Variants in NEMP2 observed in about 807,000 individuals in gnomAD.
NEMP2 encodes nuclear envelope integral membrane protein 2.
Under a neutral mutation model 54.2 loss-of-function variants are expected in NEMP2, and 53 were observed. The ratio of observed to expected loss-of-function variants is 0.98; its 90% confidence interval spans 0.78 to 1.23. The LOEUF is 1.23. NEMP2 is among the 50% of genes most tolerant of loss of function. The probability of loss-of-function intolerance (pLI) is 0.00; values close to 1 mark genes in which losing one functional copy is unlikely to be tolerated. For synonymous variants in NEMP2, 197 were observed against 190.3 expected (o/e 1.04, Z -0.29); for missense variants, 455 against 511.3 (o/e 0.89, Z 1.06).
chr2:190,472,447 C>G, the NEMP2 span, among the ~76,000 whole-genome samples: 3 of 152,032 alleles, frequency 2.0e-5, no homozygotes, highest in East Asian at 3.9e-4. Context: ...AATGCACAAG[C>G]CTTAGTAGCT....
chr2:190,558,830 T>C, the NEMP2 span, among the ~76,000 whole-genome samples: 1 of 152,224 alleles, frequency 6.6e-6, no homozygotes, highest in South Asian at 2.1e-4. This position sits in a 1 kb window ranked among gnomAD's most constrained non-coding sequence, Gnocchi z 4.4. Context: ...TTGATCACCA[T>C]CACCTATTAA....
chr2:190,579,347 A>T, the NEMP2 span, among the ~76,000 whole-genome samples: 1 of 151,308 alleles, frequency 6.6e-6, no homozygotes, highest in Non-Finnish European at 1.5e-5. Context: ...ATTGTTCAAA[A>T]CTAGGAGAGG....
chr2:190,589,785 A>G, the NEMP2 span, among the ~76,000 whole-genome samples: 2 of 152,046 alleles, frequency 1.3e-5, no homozygotes, highest in Non-Finnish European at 1.5e-5. The surrounding 1 kb of genome is among the most constrained non-coding windows in gnomAD (Gnocchi z 4.3). Flanking sequence ...ACCCTGTTAT[A>G]TTTTTTACTG....
chr2:190,597,418 T>TA, the NEMP2 span, among the ~76,000 whole-genome samples: 5 of 152,156 alleles, frequency 3.3e-5, no homozygotes, highest in African/African-American at 4.8e-5. This position sits in a 1 kb window ranked among gnomAD's most constrained non-coding sequence, Gnocchi z 4.7. Context: ...TGAAGTCTCT[T>TA]AGAGCTTGTG....
chr2:190,595,743 G>A, the NEMP2 span, among the ~76,000 whole-genome samples: 1 of 152,142 alleles, frequency 6.6e-6, no homozygotes, highest in Non-Finnish European at 1.5e-5. The surrounding 1 kb of genome is among the most constrained non-coding windows in gnomAD (Gnocchi z 4.0). Flanking sequence ...AAAAAGTCAG[G>A]AAACAACAGA....
chr2:190,463,904 T>C, the NEMP2 span: 8 of 984,524 alleles, frequency 8.1e-6, no homozygotes, highest in Non-Finnish European at 9.6e-6. The surrounding 1 kb of genome is among the most constrained non-coding windows in gnomAD (Gnocchi z 4.4). Flanking sequence ...CTGTCTACCA[T>C]ACAGAAAACG....
the NEMP2 span, among the ~76,000 whole-genome samples, chr2:190,563,038 A>C: frequency 6.6e-6 from 1 of 152,252 alleles, no homozygotes; most frequent in Non-Finnish European, 1.5e-5. The surrounding 1 kb of genome is among the most constrained non-coding windows in gnomAD (Gnocchi z 4.3). Flanking sequence ...TTTTATAAAC[A>C]CAAAATGACT....
chr2:190,579,897 T>A, the NEMP2 span, among the ~76,000 whole-genome samples: 1 of 152,232 alleles, frequency 6.6e-6, no homozygotes, highest in African/African-American at 2.4e-5. Context: ...AACTTTCAGA[T>A]GTTTGTTGAC....
At chr2:190,567,158 A>G in the NEMP2 span, among the ~76,000 whole-genome samples, 1 of 152,174 alleles carries the variant, frequency 6.6e-6, no homozygotes, top group African/African-American at 2.4e-5. This position sits in a 1 kb window ranked among gnomAD's most constrained non-coding sequence, Gnocchi z 4.0. Context: ...TTAGATAAAA[A>G]AGGAAGGAGC....
the NEMP2 span, among the ~76,000 whole-genome samples, chr2:190,581,200 C>G: frequency 7.2e-5 from 11 of 152,084 alleles, no homozygotes; most frequent in African/African-American, 2.7e-4. Flanking sequence ...CATAAGAGCT[C>G]AAGGTTTTAG....
At chr2:190,571,210 A>G in the NEMP2 span, among the ~76,000 whole-genome samples, 2 of 152,234 alleles carry the variant, frequency 1.3e-5, no homozygotes, top group Non-Finnish European at 2.9e-5. Flanking sequence ...AAGTACTTAA[A>G]ATAGACTTAG....
chr2:190,625,491 T>C, the NEMP2 span: 1 of 152,192 alleles, frequency 6.6e-6, no homozygotes, highest in South Asian at 2.1e-4. Flanking sequence ...GTGTCAATGG[T>C]TGCACAACTT....
Position 190,508,777 on chromosome 2 carries a change from A to C in NEMP2, c.*412T>G, listed in dbSNP as rs1459461350. On this transcript the variant is annotated 3_prime_UTR_variant, in exon 9 of 9. Coordinates refer to ENST00000409150, the MANE Select transcript of NEMP2 (RefSeq NM_001142645.2). The surrounding 1 kb of genome is among the most constrained non-coding windows in gnomAD (Gnocchi z 4.3). ...GTCCAGCATGTCTCAGGTCTCTTTA[A>C]GGACTTATACTGACGAACTATAGGA... 1 of 174,964 alleles carries C rather than the reference A, an allele frequency of 5.7e-6. No individual in the cohort carries two copies. Among genetic ancestry groups the C allele is most frequent in the Non-Finnish European group, 1.2e-5 (1 of 82,316 alleles). 10.8% of individuals were successfully genotyped at this position (174,964 alleles called of 1,614,324 possible). A position where few individuals can be genotyped will look rare whatever the true frequency, so the allele number is the denominator to read the frequency against.
chr2:190,439,423 A>T, the NEMP2 span, among the ~76,000 whole-genome samples: 1 of 151,874 alleles, frequency 6.6e-6, no homozygotes, highest in African/African-American at 2.4e-5. This position sits in a 1 kb window ranked among gnomAD's most constrained non-coding sequence, Gnocchi z 5.8. Context: ...CAACGTGCAG[A>T]TTTGTTGCAT....
chr2:190,572,841 A>G, the NEMP2 span, among the ~76,000 whole-genome samples: 9 of 76,196 alleles, frequency 1.2e-4, no homozygotes, highest in African/African-American at 4.5e-4. Flanking sequence ...GAGTATATAT[A>G]TATATATATA....
chr2:190,460,206 G>C, the NEMP2 span, among the ~76,000 whole-genome samples: 4 of 152,212 alleles, frequency 2.6e-5, no homozygotes, highest in African/African-American at 9.6e-5. Context: ...GCTACTCATT[G>C]AGCTATTTAT....
In NEMP2 at chr2:190,525,423, C is replaced by A; in HGVS notation, c.98-45G>T. ...ATGCATTTTCTAACTGTTTAATTGCCCAGAATCTTTTTTAAAAAAAGTTTG... is the reference window on the plus strand; with the variant it reads ...ATGCATTTTCTAACTGTTTAATTGCACAGAATCTTTTTTAAAAAAAGTTTG... On this transcript the variant is annotated intron_variant, in intron 1 of 8. Transcript: ENST00000409150. This position sits in a 1 kb window ranked among gnomAD's most constrained non-coding sequence, Gnocchi z 5.0. 8.5e-7 allele frequency: 1 copy of A among 1,172,056 alleles called. No homozygotes were observed. Among genetic ancestry groups the A allele is most frequent in the East Asian group, 2.6e-5 (1 of 38,058 alleles). 72.6% of individuals were successfully genotyped at this position (1,172,056 alleles called of 1,614,324 possible).
At position 190,512,389 on chromosome 2, in the gene NEMP2, A is replaced by T. The variant is rs1479705727; in HGVS notation, c.954-1852T>A. ...GGATAATCAAAAGAGTAGTTACCATATACTATTAAAATATAAGTAAACAGC... is the reference window on the plus strand; with the variant it reads ...GGATAATCAAAAGAGTAGTTACCATTTACTATTAAAATATAAGTAAACAGC... On this transcript the variant is annotated intron_variant, in intron 7 of 8. Coordinates refer to ENST00000409150, the MANE Select transcript of NEMP2 (RefSeq NM_001142645.2). This position sits in a 1 kb window ranked among gnomAD's most constrained non-coding sequence, Gnocchi z 4.5. Among the ~76,000 whole-genome samples, 1 of 152,352 alleles carries T rather than the reference A, an allele frequency of 6.6e-6. No homozygotes were observed. The highest frequency in any genetic ancestry group is 1.9e-4 in the East Asian group (1 of 5,190).
At chr2:190,460,702 G>C in the NEMP2 span, among the ~76,000 whole-genome samples, 1 of 152,162 alleles carries the variant, frequency 6.6e-6, no homozygotes, top group South Asian at 2.1e-4. Context: ...CATATTAAAG[G>C]GAATGGACCA....
Sources: allele counts gnomAD v4.1 joint callset (sites outside exome capture counted in the v4.1 genomes callset), GRCh38; gene constraint gnomAD v4.1.1; non-coding constraint Gnocchi (gnomAD v3.1); transcripts MANE v1.5; gene names NCBI Gene and HGNC (gene_info 2026-07-23, HGNC 2026-07-21).